PEX7: variants seen among roughly 807,000 people sequenced by gnomAD.
The protein encoded by PEX7 is PTS2 receptor.
A neutral mutation model predicts 47.5 loss-of-function variants in PEX7; 34 were observed. The ratio of observed to expected loss-of-function variants is 0.72; its 90% CI spans 0.54 to 0.95. The LOEUF (loss-of-function observed/expected upper bound fraction) is 0.95, where lower values mean the gene tolerates loss of function less well. PEX7 is among the 40% of genes least tolerant of loss of function. The pLI, the probability that PEX7 is intolerant of heterozygous loss-of-function variation, is 0.00. For missense variants in PEX7, 394 were observed against 400.3 expected, an observed-to-expected ratio of 0.98 and a Z score of 0.13; for synonymous variants, 141 against 148.8, an observed-to-expected ratio of 0.95 and a Z score of 0.38.
intron 8 of PEX7, among the ~76,000 whole-genome samples, chr6:136,896,183 A>G (rs1043293524): frequency 6.6e-6 from 1 of 152,244 alleles, no homozygotes; most frequent in African/African-American, 2.4e-5. Flanking sequence ...TCAGGAGAGT[A>G]TAAATAAATT....
chr6:136,830,430 G>T (rs555498699), intron 3 of PEX7, among the ~76,000 whole-genome samples: 1 of 152,294 alleles, frequency 6.6e-6, no homozygotes, highest in African/African-American at 2.4e-5. Flanking sequence ...AGGCTTTGAG[G>T]AGTGAAGGTC....
intron 5 of PEX7, among the ~76,000 whole-genome samples, chr6:136,848,371 A>G (rs1218243748): frequency 6.6e-6 from 1 of 152,178 alleles, no homozygotes. Context: ...CAGAACTTCC[A>G]ACACTATGTT....
chr6:136,841,733 G>T (rs926873080), intron 3 of PEX7, among the ~76,000 whole-genome samples: 4 of 151,900 alleles, frequency 2.6e-5, no homozygotes, highest in Non-Finnish European at 5.9e-5. Flanking sequence ...ACTGTTATAG[G>T]TCACCACACC....
chr6:136,826,125 C>CT (rs1427915737), intron 2 of PEX7, among the ~76,000 whole-genome samples, 194 bp from the exon 3 acceptor site: 9 of 151,698 alleles, frequency 5.9e-5, no homozygotes, highest in African/African-American at 2.2e-4. Context: ...TTTTTTTAAC[C>CT]TTTCTGAATC....
chr6:136,896,308 A>T (rs1027953270), intron 8 of PEX7, among the ~76,000 whole-genome samples: 2 of 152,240 alleles, frequency 1.3e-5, no homozygotes, highest in Non-Finnish European at 2.9e-5. Context: ...AAATGAAGTC[A>T]GAGAGCTAAA....
intron 8 of PEX7, among the ~76,000 whole-genome samples, chr6:136,891,867 ACTC>A (rs1218282580): frequency 6.6e-6 from 1 of 151,206 alleles, no homozygotes; most frequent in East Asian, 1.9e-4. Flanking sequence ...CTGGGCTTGA[ACTC>A]CTGGCCTTAA....
At chr6:136,871,891 A>G (rs1254969417) in intron 7 of PEX7, among the ~76,000 whole-genome samples, 1 of 152,132 alleles carries the variant, frequency 6.6e-6, no homozygotes, top group Admixed American at 6.5e-5. Context: ...AGCCAATATG[A>G]AATTGTATTT....
chr6:136,879,534 A>T (rs1775338729), intron 8 of PEX7, among the ~76,000 whole-genome samples: 1 of 151,990 alleles, frequency 6.6e-6, no homozygotes. Flanking sequence ...CACCACCCCG[A>T]CCCCAACCAT....
At chr6:136,906,423 T>C (rs1210613060) in intron 9 of PEX7, among the ~76,000 whole-genome samples, 1 of 152,052 alleles carries the variant, frequency 6.6e-6, no homozygotes, top group Non-Finnish European at 1.5e-5. Flanking sequence ...CCTATAGATA[T>C]AACAATTATC....
intron 9 of PEX7, among the ~76,000 whole-genome samples, chr6:136,899,080 C>CTTTTT (rs71547049): frequency 2.3e-3 from 255 of 111,942 alleles, no homozygotes; most frequent in Middle Eastern, 6.7e-3. Flanking sequence ...TTTTTCTTTT[C>CTTTTT]TTTTTTTTTT....
intron 5 of PEX7, among the ~76,000 whole-genome samples, chr6:136,853,142 A>G (rs1439400972): frequency 6.6e-6 from 1 of 152,226 alleles, no homozygotes; most frequent in Non-Finnish European, 1.5e-5. Context: ...AAATAGTTTC[A>G]TTGGGATGCA....
chr6:136,898,634 T>C (rs1775694262), intron 9 of PEX7, among the ~76,000 whole-genome samples: 1 of 152,182 alleles, frequency 6.6e-6, no homozygotes, highest in Non-Finnish European at 1.5e-5. Context: ...GGCAGGTCAC[T>C]ACCCTTTCAA....
At chr6:136,881,173 C>G (rs537172075) in intron 8 of PEX7, among the ~76,000 whole-genome samples, 5 of 152,070 alleles carry the variant, frequency 3.3e-5, no homozygotes, top group Non-Finnish European at 7.4e-5. Context: ...TTCCCTCCTT[C>G]AGGAGGGAGT....
chr6:136,825,754 C>CA (rs1407109446), intron 2 of PEX7, among the ~76,000 whole-genome samples: 2 of 152,070 alleles, frequency 1.3e-5, no homozygotes, highest in Non-Finnish European at 2.9e-5. Context: ...AGGCTGGTCT[C>CA]AAACTCCTGA....
intron 8 of PEX7, among the ~76,000 whole-genome samples, chr6:136,888,522 G>A (rs1475304687): frequency 3.9e-5 from 6 of 152,116 alleles, no homozygotes; most frequent in Admixed American, 6.5e-5. Flanking sequence ...GCATCTTAAT[G>A]TAGTCATCTT....
At chr6:136,855,116 C>G (rs1331128732) in intron 5 of PEX7, among the ~76,000 whole-genome samples, 1 of 151,596 alleles carries the variant, frequency 6.6e-6, no homozygotes, top group Non-Finnish European at 1.5e-5. Flanking sequence ...AAGCATGCTT[C>G]TGTTCTAGTG....
intron 2 of PEX7, among the ~76,000 whole-genome samples, chr6:136,825,694 C>T (rs567007437): frequency 5.1e-4 from 77 of 152,158 alleles, no homozygotes; most frequent in African/African-American, 1.4e-3. Flanking sequence ...CCACCACACC[C>T]GGCTAATTTT....
At chr6:136,830,456 G>A (rs560668003) in intron 3 of PEX7, among the ~76,000 whole-genome samples, 29 of 152,044 alleles carry the variant, frequency 1.9e-4, no homozygotes, top group Non-Finnish European at 4.0e-4. Context: ...GAAATGAAAA[G>A]AAAGAAAAAC....
At chr6:136,855,471 CTG>C (rs1774844298) in intron 5 of PEX7, among the ~76,000 whole-genome samples, 1 of 151,850 alleles carries the variant, frequency 6.6e-6, no homozygotes, top group Admixed American at 6.6e-5. Flanking sequence ...TCCCGAGTAG[CTG>C]GGATTACAGG....
Sources: allele counts gnomAD v4.1 joint callset (sites outside exome capture counted in the v4.1 genomes callset), GRCh38; gene constraint gnomAD v4.1.1; transcripts MANE v1.5; gene names NCBI Gene and HGNC (gene_info 2026-07-23, HGNC 2026-07-21).